Variants in CNTNAP2 observed in about 807,000 individuals in gnomAD.
The protein encoded by CNTNAP2 is contactin associated protein 2.
Under a neutral mutation model 155.2 loss-of-function variants are expected in CNTNAP2, and 98 were observed. The observed-to-expected ratio is 0.63, with a 90% CI of 0.54 to 0.75. The LOEUF (loss-of-function observed/expected upper bound fraction) is 0.75, where lower values mean the gene tolerates loss of function less well. Ranked by LOEUF, CNTNAP2 falls within the 30% of genes least tolerant of loss-of-function variation. CNTNAP2 has a pLI of 0.00. For synonymous variants in CNTNAP2, 651 were observed against 631.2 expected, an observed-to-expected ratio of 1.03 and a Z score of -0.47; for missense variants, 1,727 against 1,688.1, an observed-to-expected ratio of 1.02 and a Z score of -0.40.
At chr7:147,128,266 A>G (rs1285067638) in intron 6 of CNTNAP2, among the ~76,000 whole-genome samples, 1 of 152,200 alleles carries the variant, frequency 6.6e-6, no homozygotes, top group Non-Finnish European at 1.5e-5. Context: ...TTTGGGCTGC[A>G]GTTTTATCAG....
intron 3 of CNTNAP2, among the ~76,000 whole-genome samples, chr7:146,857,679 G>A (rs751863244): frequency 4.6e-5 from 7 of 152,276 alleles, no homozygotes; most frequent in East Asian, 1.9e-4. Flanking sequence ...CCTCCATCCC[G>A]TGTGGGTGTC....
chr7:148,064,589 A>G (rs1563186800), intron 15 of CNTNAP2, among the ~76,000 whole-genome samples: 1 of 151,960 alleles, frequency 6.6e-6, no homozygotes, highest in Non-Finnish European at 1.5e-5. Context: ...TACAAAATTA[A>G]CATACACAAA....
chr7:147,447,265 T>C (rs984424725), intron 10 of CNTNAP2, among the ~76,000 whole-genome samples: 4 of 152,138 alleles, frequency 2.6e-5, no homozygotes, highest in African/African-American at 9.7e-5. Context: ...GCTCTACATG[T>C]GAATATATAG....
At chr7:146,846,019 AAT>A (rs1427419555) in intron 3 of CNTNAP2, among the ~76,000 whole-genome samples, 2 of 152,186 alleles carry the variant, frequency 1.3e-5, no homozygotes, top group Non-Finnish European at 2.9e-5. Context: ...ATAAATATAA[AAT>A]ATAAATGCCA....
chr7:147,289,849 T>C (rs576111400), intron 8 of CNTNAP2, among the ~76,000 whole-genome samples: 117 of 152,286 alleles, frequency 7.7e-4, no homozygotes, highest in Non-Finnish European at 1.5e-3. Context: ...TTCATATATA[T>C]TGGGTTTCCC....
intron 1 of CNTNAP2, among the ~76,000 whole-genome samples, chr7:146,665,961 A>G (rs908391231): frequency 2.0e-5 from 3 of 151,952 alleles, no homozygotes; most frequent in African/African-American, 4.8e-5. Context: ...TAGCATACCC[A>G]TCATCTCAAA....
At chr7:147,574,842 G>A (rs2116814508) in intron 12 of CNTNAP2, among the ~76,000 whole-genome samples, 1 of 152,176 alleles carries the variant, frequency 6.6e-6, no homozygotes, top group African/African-American at 2.4e-5. Context: ...CCCAGAGTGA[G>A]AGAGGAGTAG....
intron 1 of CNTNAP2, among the ~76,000 whole-genome samples, chr7:146,648,765 C>T (rs2129163164): frequency 6.6e-6 from 1 of 151,860 alleles, no homozygotes; most frequent in East Asian, 1.9e-4. Context: ...GCTTTGAGGC[C>T]CTTTGATGCA....
At chr7:146,420,672 A>G (rs1374274797) in intron 1 of CNTNAP2, among the ~76,000 whole-genome samples, 2 of 152,094 alleles carry the variant, frequency 1.3e-5, no homozygotes, top group Non-Finnish European at 2.9e-5. Context: ...TTTCCATTAA[A>G]TGTTTGTATT....
intron 1 of CNTNAP2, among the ~76,000 whole-genome samples, chr7:146,458,243 C>T (rs1796586058): frequency 6.6e-6 from 1 of 152,134 alleles, no homozygotes; most frequent in Non-Finnish European, 1.5e-5. Context: ...TACCATCTCA[C>T]ATGTTTACTT....
intron 1 of CNTNAP2, among the ~76,000 whole-genome samples, chr7:146,509,051 G>A (rs1429021725): frequency 6.6e-6 from 1 of 152,180 alleles, no homozygotes; most frequent in South Asian, 2.1e-4. Context: ...GGAGCCAAAG[G>A]CACTCAGGGG....
intron 13 of CNTNAP2, among the ~76,000 whole-genome samples, chr7:147,686,563 A>T (rs532161922): frequency 6.6e-6 from 1 of 152,156 alleles, no homozygotes; most frequent in African/African-American, 2.4e-5. Flanking sequence ...AGTAATGTAG[A>T]TAGAGAATGG....
chr7:146,127,296 T>G (rs1240916289), intron 1 of CNTNAP2, among the ~76,000 whole-genome samples: 2 of 152,198 alleles, frequency 1.3e-5, no homozygotes, highest in African/African-American at 4.8e-5. Context: ...AACACCTCCC[T>G]GTGGCAATTT....
chr7:148,269,961 A>G (rs1485605959), intron 21 of CNTNAP2, among the ~76,000 whole-genome samples: 1 of 152,242 alleles, frequency 6.6e-6, no homozygotes, highest in Non-Finnish European at 1.5e-5. Flanking sequence ...TTCGTAAAGT[A>G]ACATCAACTA....
At chr7:146,438,790 G>T (rs1796279085) in intron 1 of CNTNAP2, among the ~76,000 whole-genome samples, 1 of 151,286 alleles carries the variant, frequency 6.6e-6, no homozygotes, top group Non-Finnish European at 1.5e-5. Context: ...ATTGAGCTTT[G>T]GTTGATATCT....
At position 147,128,677 on chromosome 7, in the gene CNTNAP2, T is replaced by C. The variant is rs1801286854; in HGVS notation, c.940-16T>C. On this transcript the variant is annotated splice_polypyrimidine_tract_variant and intron_variant, in intron 6 of 23. Coordinates refer to ENST00000361727, the MANE Select transcript of CNTNAP2 (RefSeq NM_014141.6). ...ATACAATGTGGACGTTTACATTTAA[T>C]TTCTTTTTCTCAAAGATAACCTTTG... 2 of 1,613,674 alleles carry C rather than the reference T, an allele frequency of 1.2e-6. No individual in the cohort carries two copies. Among genetic ancestry groups the C allele is most frequent in the South Asian group, 2.2e-5 (2 of 91,076 alleles).
intron 1 of CNTNAP2, among the ~76,000 whole-genome samples, chr7:146,506,387 T>C (rs1313183731): frequency 4.6e-5 from 7 of 152,208 alleles, no homozygotes; most frequent in Non-Finnish European, 7.3e-5. Flanking sequence ...ATATCTTACA[T>C]AGACAAAGAT....
At chr7:148,127,819 G>A (rs557417129) in intron 16 of CNTNAP2, among the ~76,000 whole-genome samples, 1 of 152,098 alleles carries the variant, frequency 6.6e-6, no homozygotes, top group South Asian at 2.1e-4. Flanking sequence ...AAAAAATATT[G>A]TGTTTTTTAT....
intron 11 of CNTNAP2, among the ~76,000 whole-genome samples, chr7:147,551,946 T>C (rs1400409941): frequency 6.6e-6 from 1 of 152,168 alleles, no homozygotes; most frequent in African/African-American, 2.4e-5. Context: ...TTTTGAAATA[T>C]GCACCATAAA....
Sources: allele counts gnomAD v4.1 joint callset (sites outside exome capture counted in the v4.1 genomes callset), GRCh38; gene constraint gnomAD v4.1.1; transcripts MANE v1.5; gene names NCBI Gene and HGNC (gene_info 2026-07-23, HGNC 2026-07-21).